Variants in PRR3 observed in about 807,000 individuals in gnomAD.
PRR3 encodes proline-rich protein 3.
PRR3 carries 16 observed loss-of-function variants against 22.4 expected under a neutral mutation model. The ratio of observed to expected loss-of-function variants is 0.71; its 90% CI spans 0.48 to 1.09. PRR3 has a LOEUF of 1.09. Ranked by LOEUF, PRR3 falls within the 50% of genes least tolerant of loss-of-function variation. The pLI, the probability that PRR3 is intolerant of heterozygous loss-of-function variation, is 0.00. For missense variants in PRR3, 224 were observed against 243.4 expected (o/e 0.92, Z 0.53); for synonymous variants, 87 against 88.6 (o/e 0.98, Z 0.10).
chr6:30,562,533 G>T lies in PRR3; in HGVS notation c.*38G>T. On this transcript the variant is annotated 3_prime_UTR_variant, in exon 4 of 4. Transcript: ENST00000376560. ...CCATCCAGGCTGGAAGGAGCTCTCT[G>T]TGACCTAGCGGCCATTTATTTCTCT... The T allele has an allele frequency of 7.7e-7, 1 of 1,306,522 alleles. No individual in the cohort carries two copies. Among genetic ancestry groups the T allele is most frequent in the Non-Finnish European group, 1.1e-6 (1 of 904,734 alleles). 80.9% of individuals were successfully genotyped at this position (1,306,522 alleles called of 1,614,324 possible). A position where few individuals can be genotyped will look rare whatever the true frequency, so the allele number is the denominator to read the frequency against.
Position 30,561,273 on chromosome 6 carries a change from T to G in PRR3, c.170-561T>G. 2.2e-6 allele frequency: 1 copy of G among 446,522 alleles called. No homozygotes were observed. The highest frequency in any genetic ancestry group is 4.5e-6 in the Non-Finnish European group (1 of 222,200). 27.7% of individuals were successfully genotyped at this position (446,522 alleles called of 1,614,324 possible). On this transcript the variant is annotated intron_variant, in intron 2 of 3. Transcript: ENST00000376560. This position sits in a 1 kb window ranked among gnomAD's most constrained non-coding sequence, Gnocchi z 4.0. ...TACGTATATATTCAACAGAAATGCATACGTATGTGTAACAACATGTATAAA... is the reference window on the plus strand; with the variant it reads ...TACGTATATATTCAACAGAAATGCAGACGTATGTGTAACAACATGTATAAA...
In PRR3 at chr6:30,557,372, C is replaced by G. The variant is rs759570044; in HGVS notation, c.28C>G (p.His10Asp). Residue 10 changes from histidine to aspartate, a missense_variant, in exon 1 of 4, where the codon CAC (histidine) becomes GAC (aspartate). Physicochemically the swap from His to Asp is moderately conservative, Grantham distance 81. Transcript: ENST00000376560. ...GCCGAAACGAAAGAAGCAGAATCATCACCAGCCACCGACACAGCAGCAGCC... is the reference window on the plus strand; with the variant it reads ...GCCGAAACGAAAGAAGCAGAATCATGACCAGCCACCGACACAGCAGCAGCC... MPKRKKQNH[H>D]QPPTQQQPPL... The G allele has an allele frequency of 1.6e-5, 25 of 1,612,664 alleles. 1 individual carries two copies. In the South Asian group the frequency reaches 2.6e-4, roughly 17 times the overall value.
At position 30,557,561 on chromosome 6, in the gene PRR3, C is replaced by T. The variant is rs547005421; in HGVS notation, c.106+111C>T. ...CTGTAACGGAAGGAGGAAGGGCGCA[C>T]GCGCTGGGGAGGGATGGAAGTGGGG... is the stretch of plus-strand genomic sequence containing the variant. On this transcript the variant is annotated intron_variant, in intron 1 of 3. Transcript: ENST00000376560. The T allele has an allele frequency of 2.1e-4, 152 of 719,850 alleles. No individual in the cohort carries two copies. The East Asian group carries it at 4.0e-3, about 19-fold the overall frequency. The allele number at this position is 719,850 out of a possible 1,614,324, so 44.6% of individuals were successfully genotyped here. A position where few individuals can be genotyped will look rare whatever the true frequency, so the allele number is the denominator to read the frequency against.
In PRR3 at chr6:30,561,812, C is replaced by G. The variant is rs199659594; in HGVS notation, c.170-22C>G. 2,361 of 742,650 alleles carry G rather than the reference C, an allele frequency of 3.2e-3. 12 individuals carry two copies. Among genetic ancestry groups the G allele is most frequent in the Middle Eastern group, 0.03 (89 of 2,946 alleles). 46.0% of individuals were successfully genotyped at this position (742,650 alleles called of 1,614,324 possible). ...CTGCCCATTAGACACCTTTCTGTGT[C>G]TCTCTCTCTCTCTCTCTCCAGCTCT... On this transcript the variant is annotated intron_variant, in intron 2 of 3. Transcript: ENST00000376560. This position sits in a 1 kb window ranked among gnomAD's most constrained non-coding sequence, Gnocchi z 4.0.
chr6:30,558,997 G>A (rs180707622), intron 2 of PRR3, among the ~76,000 whole-genome samples: 4 of 152,340 alleles, frequency 2.6e-5, no homozygotes, highest in Admixed American at 1.3e-4. Flanking sequence ...TTTTCTAAGA[G>A]TAGCTAAGAG....
chr6:30,561,922 T>C lies in PRR3; in HGVS notation c.258T>C (p.Ile86=). Residue 86 remains isoleucine (I), a synonymous_variant, in exon 3 of 4, where the codon ATT becomes ATC. Coordinates refer to ENST00000376560, the MANE Select transcript of PRR3 (RefSeq NM_025263.4). This position sits in a 1 kb window ranked among gnomAD's most constrained non-coding sequence, Gnocchi z 4.0. ...CTCCTCCTTGGGGTAGAGGCCCAAT[T>C]CGGAGAGGGCTTGGCCCCAGGTCTA... ...LPPPPWGRGP[I]RRGLGPRSSP... is the part of the protein sequence containing the mutation. The C allele has an allele frequency of 6.2e-7, 1 of 1,612,750 alleles. No individual in the cohort carries two copies. The highest frequency in any genetic ancestry group is 1.6e-4 in the Middle Eastern group (1 of 6,062).
At position 30,561,943 on chromosome 6, in the gene PRR3, G is replaced by T. The variant is rs766742175; in HGVS notation, c.279G>T (p.Arg93Ser). Residue 93 changes from arginine to serine, a missense_variant, in exon 3 of 4, where the codon AGG (arginine) becomes AGT (serine). Transcript: ENST00000376560. The surrounding 1 kb of genome is among the most constrained non-coding windows in gnomAD (Gnocchi z 4.0). ...CAATTCGGAGAGGGCTTGGCCCCAG[G>T]TCTAGCCCATATGGTCGTGGTTGGT... Reference protein sequence around the residue: ...RGPIRRGLGPRSSPYGRGWWG... With the variant: ...RGPIRRGLGPSSSPYGRGWWG... The T allele has an allele frequency of 1.9e-6, 3 of 1,612,998 alleles. No individual in the cohort carries two copies. The highest frequency in any genetic ancestry group is 3.3e-5 in the Admixed American group (2 of 60,008).
chr6:30,561,393 C>A lies in PRR3; in HGVS notation c.170-441C>A, dbSNP rs1800619793. The A allele has an allele frequency of 2.1e-6, 1 of 468,762 alleles. No homozygotes were observed. Among genetic ancestry groups the A allele is most frequent in the African/African-American group, 2.0e-5 (1 of 50,704 alleles). The allele number at this position is 468,762 out of a possible 1,614,324, so 29.0% of individuals were successfully genotyped here. A position where few individuals can be genotyped will look rare whatever the true frequency, so the allele number is the denominator to read the frequency against. On this transcript the variant is annotated intron_variant, in intron 2 of 3. Transcript: ENST00000376560. This position sits in a 1 kb window ranked among gnomAD's most constrained non-coding sequence, Gnocchi z 4.0. Reference sequence around the variant, plus strand: ...ATGGATAAATAAATTGTTGTGTATGCATGCAATGGGACTACACTGCAACGA... The same window carrying A: ...ATGGATAAATAAATTGTTGTGTATGAATGCAATGGGACTACACTGCAACGA...
chr6:30,562,525 A>G lies in PRR3; in HGVS notation c.*30A>G. ...GTGCCTTCCCATCCAGGCTGGAAGGAGCTCTCTGTGACCTAGCGGCCATTT... is the reference window on the plus strand; with the variant it reads ...GTGCCTTCCCATCCAGGCTGGAAGGGGCTCTCTGTGACCTAGCGGCCATTT... On this transcript the variant is annotated 3_prime_UTR_variant, in exon 4 of 4. Coordinates refer to ENST00000376560, the MANE Select transcript of PRR3 (RefSeq NM_025263.4). 7.1e-7 allele frequency: 1 copy of G among 1,408,802 alleles called. No individual in the cohort carries two copies. The highest frequency in any genetic ancestry group is 1.0e-6 in the Non-Finnish European group (1 of 995,304). 87.3% of individuals were successfully genotyped at this position (1,408,802 alleles called of 1,614,324 possible). A position where few individuals can be genotyped will look rare whatever the true frequency, so the allele number is the denominator to read the frequency against.
intron 2 of PRR3, among the ~76,000 whole-genome samples, chr6:30,558,755 T>G (rs997386179): frequency 6.6e-6 from 1 of 152,242 alleles, no homozygotes; most frequent in African/African-American, 2.4e-5. Flanking sequence ...ATAGGACTTA[T>G]GTCCCGAAGA....
chr6:30,563,654 T>G lies in PRR3; in HGVS notation c.*1159T>G, dbSNP rs544675676. 312 of 152,388 alleles carry G rather than the reference T, an allele frequency of 2.0e-3. 1 individual carries two copies. The highest frequency in any genetic ancestry group is 6.8e-3 in the Middle Eastern group (2 of 294). The allele number at this position is 152,388 out of a possible 1,614,324, so 9.4% of individuals were successfully genotyped here. ...TGTTGGAGAACTGAGAATGAGGTTT[T>G]TTTTTTTTTTTTCTTTTTAACTTTT... On this transcript the variant is annotated 3_prime_UTR_variant, in exon 4 of 4. Coordinates refer to ENST00000376560, the MANE Select transcript of PRR3 (RefSeq NM_025263.4).
chr6:30,559,891 G>A (rs1800512181), intron 2 of PRR3: 1 of 152,180 alleles, frequency 6.6e-6, no homozygotes, highest in Non-Finnish European at 1.5e-5. Context: ...TAACAAAGAG[G>A]TGGAAGCAAC....
chr6:30,556,997 T>C (rs987842447), upstream of PRR3: 1 of 667,124 alleles, frequency 1.5e-6, no homozygotes, highest in Non-Finnish European at 2.7e-6. The surrounding 1 kb of genome is among the most constrained non-coding windows in gnomAD (Gnocchi z 5.7). Flanking sequence ...GGTGCGACAG[T>C]CCTCTTCTCA....
Position 30,557,453 on chromosome 6 carries a change from G to GA in PRR3, c.106+4dup, listed in dbSNP as rs1562723104. 6.2e-7 allele frequency: 1 copy of GA among 1,600,722 alleles called. No homozygotes were observed. On this transcript the variant is annotated splice_donor_region_variant and intron_variant, in intron 1 of 3. Coordinates refer to ENST00000376560, the MANE Select transcript of PRR3 (RefSeq NM_025263.4). Reference sequence around the variant, plus strand: ...TGAGGAGGATGGGAGTCCCATCGGTGAGGGGTCTGGGAGGGATGTGCACAT... The same window carrying GA: ...TGAGGAGGATGGGAGTCCCATCGGTGAAGGGGTCTGGGAGGGATGTGCACAT...
chr6:30,563,667 CTTTT>C lies in PRR3; in HGVS notation c.*1174_*1177del. The C allele has an allele frequency of 8.9e-6, 1 of 112,714 alleles. No homozygotes were observed. The highest frequency in any genetic ancestry group is 2.7e-4 in the East Asian group (1 of 3,654). 7.0% of individuals were successfully genotyped at this position (112,714 alleles called of 1,614,324 possible). A position where few individuals can be genotyped will look rare whatever the true frequency, so the allele number is the denominator to read the frequency against. On this transcript the variant is annotated 3_prime_UTR_variant, in exon 4 of 4. Transcript: ENST00000376560. Reference sequence around the variant, plus strand: ...AGAATGAGGTTTTTTTTTTTTTTTTCTTTTTAACTTTTTTTATATTAGTAATAAA... The same window carrying C: ...AGAATGAGGTTTTTTTTTTTTTTTTCTAACTTTTTTTATATTAGTAATAAA...
Position 30,557,343 on chromosome 6 carries a change from C to T in PRR3, c.-2C>T. 20 of 1,611,296 alleles carry T rather than the reference C, an allele frequency of 1.2e-5. No individual in the cohort carries two copies. The highest frequency in any genetic ancestry group is 1.7e-5 in the Non-Finnish European group (20 of 1,179,040). On this transcript the variant is annotated 5_prime_UTR_variant, in exon 1 of 4. In the 5' UTR this introduces an upstream ATG that the reference lacks. Coordinates refer to ENST00000376560, the MANE Select transcript of PRR3 (RefSeq NM_025263.4). ...CCCGCTGCAGCCATTGCCGCAGACA[C>T]GATGCCGAAACGAAAGAAGCAGAAT...
At chr6:30,558,361 A>T in intron 2 of PRR3, 149 bp downstream of exon 2, 1 of 645,430 alleles carries the variant, frequency 1.5e-6, no homozygotes, top group Non-Finnish European at 2.7e-6. Context: ...TGATTTAAAA[A>T]CTCAATGTTG....
chr6:30,560,455 G>T (rs1800553172), intron 2 of PRR3: 1 of 152,076 alleles, frequency 6.6e-6, no homozygotes, highest in Admixed American at 6.6e-5. Flanking sequence ...GGGGAGTTTT[G>T]TTTAATGGGT....
Position 30,562,520 on chromosome 6 carries a change from G to A in PRR3, c.*25G>A, listed in dbSNP as rs775206037. 1 of 1,454,786 alleles carries A rather than the reference G, an allele frequency of 6.9e-7. No individual in the cohort carries two copies. Among genetic ancestry groups the A allele is most frequent in the Admixed American group, 1.7e-5 (1 of 59,184 alleles). 90.1% of individuals were successfully genotyped at this position (1,454,786 alleles called of 1,614,324 possible). ...AGACTGTGCCTTCCCATCCAGGCTG[G>A]AAGGAGCTCTCTGTGACCTAGCGGC... On this transcript the variant is annotated 3_prime_UTR_variant, in exon 4 of 4. Transcript: ENST00000376560.
Sources: allele counts gnomAD v4.1 joint callset (sites outside exome capture counted in the v4.1 genomes callset), GRCh38; gene constraint gnomAD v4.1.1; non-coding constraint Gnocchi (gnomAD v3.1); transcripts MANE v1.5; gene names NCBI Gene and HGNC (gene_info 2026-07-23, HGNC 2026-07-21).